SYN3: variants seen among roughly 807,000 people sequenced by gnomAD.
SYN3 encodes the protein synapsin III, also known as synapsin-3.
Under a neutral mutation model 65.8 loss-of-function variants are expected in SYN3, and 35 were observed. The ratio of observed to expected loss-of-function variants is 0.53; its 90% confidence interval spans 0.41 to 0.70. The LOEUF (loss-of-function observed/expected upper bound fraction) is 0.70. SYN3 is among the 30% of genes least tolerant of loss of function. The pLI, the probability that SYN3 is intolerant of heterozygous loss-of-function variation, is 0.00. For synonymous variants in SYN3, 270 were observed against 292.9 expected, an observed-to-expected ratio of 0.92 and a Z score of 0.80; for missense variants, 680 against 749.0, an observed-to-expected ratio of 0.91 and a Z score of 1.08.
intron 5 of SYN3, among the ~76,000 whole-genome samples, chr22:32,868,432 A>G (rs1487722910): frequency 6.6e-6 from 1 of 151,484 alleles, no homozygotes; most frequent in Non-Finnish European, 1.5e-5. Context: ...ACGTATATGC[A>G]TTTATTTATT....
intron 6 of SYN3, among the ~76,000 whole-genome samples, chr22:32,781,682 TTAA>T (rs1298660441): frequency 2.0e-5 from 3 of 150,720 alleles, no homozygotes; most frequent in Non-Finnish European, 4.4e-5. Context: ...ATTATTATTA[TTAA>T]TATTATTATT....
intron 2 of SYN3, among the ~76,000 whole-genome samples, chr22:32,988,307 A>AAATAATGATAATAAT (rs71320962): frequency 7.0e-6 from 1 of 142,582 alleles, no homozygotes; most frequent in African/African-American, 2.6e-5. Flanking sequence ...CTCTGTCTCA[A>AAATAATGATAATAAT]AATAATAATA....
At chr22:32,609,073 C>G (rs2059406845) in intron 6 of SYN3, among the ~76,000 whole-genome samples, 1 of 151,860 alleles carries the variant, frequency 6.6e-6, no homozygotes, top group Non-Finnish European at 1.5e-5. Flanking sequence ...ACCTGTAATC[C>G]CAGCACTTTG....
chr22:32,871,877 C>T (rs891178496), intron 4 of SYN3, among the ~76,000 whole-genome samples: 2 of 152,094 alleles, frequency 1.3e-5, no homozygotes, highest in East Asian at 3.9e-4. Flanking sequence ...ATCCTCCTGC[C>T]TCAGGTTCCC....
At chr22:32,980,728 G>A (rs2052346890) in intron 2 of SYN3, 26 bp from the exon 3 acceptor site, 1 of 1,610,434 alleles carries the variant, frequency 6.2e-7, no homozygotes, top group Non-Finnish European at 8.5e-7. Flanking sequence ...AATCAGCTGA[G>A]TAAGGATGCA....
At chr22:32,761,105 G>A (rs960802462) in intron 6 of SYN3, among the ~76,000 whole-genome samples, 1 of 152,176 alleles carries the variant, frequency 6.6e-6, no homozygotes, top group Non-Finnish European at 1.5e-5. Context: ...GAGGTGGAGA[G>A]TTGAAGCCCA....
At chr22:32,531,802 C>T (rs922362591) in intron 10 of SYN3, among the ~76,000 whole-genome samples, 11 of 48,764 alleles carry the variant, frequency 2.3e-4, no homozygotes, top group South Asian at 1.7e-3. Flanking sequence ...AATGTTTCTG[C>T]GAGGAAAAAA....
chr22:32,650,248 T>G, intron 6 of SYN3, among the ~76,000 whole-genome samples: 1 of 30,102 alleles, frequency 3.3e-5, no homozygotes, highest in Non-Finnish European at 6.0e-5. Context: ...CCTCCCTCCC[T>G]CCCTCCCTCC....
At chr22:32,640,637 T>C (rs1260264073) in intron 6 of SYN3, among the ~76,000 whole-genome samples, 1 of 151,830 alleles carries the variant, frequency 6.6e-6, no homozygotes, top group Admixed American at 6.6e-5. Flanking sequence ...GTGGCCGAGG[T>C]GGGCGGGTCA....
At chr22:32,982,784 T>C (rs1463861256) in intron 2 of SYN3, among the ~76,000 whole-genome samples, 3 of 152,206 alleles carry the variant, frequency 2.0e-5, no homozygotes, top group African/African-American at 7.2e-5. Flanking sequence ...AAAACACTTG[T>C]TGAGTATCAA....
At chr22:32,962,683 G>A (rs1349131189) in intron 3 of SYN3, among the ~76,000 whole-genome samples, 1 of 152,150 alleles carries the variant, frequency 6.6e-6, no homozygotes, top group Non-Finnish European at 1.5e-5. Flanking sequence ...ATTCTAAGCT[G>A]CGTTGCTGGG....
At chr22:32,799,938 A>C (rs2046523259) in intron 6 of SYN3, among the ~76,000 whole-genome samples, 1 of 152,226 alleles carries the variant, frequency 6.6e-6, no homozygotes, top group Non-Finnish European at 1.5e-5. Context: ...AAAAACATCG[A>C]GAGACAGAAA....
intron 6 of SYN3, among the ~76,000 whole-genome samples, chr22:32,692,155 C>CAAAAAAAA (rs1188224009): frequency 1.5e-3 from 50 of 34,382 alleles, no homozygotes; most frequent in African/African-American, 1.7e-3. Flanking sequence ...GACAAAAAGA[C>CAAAAAAAA]AAAAAAAAAA....
chr22:32,935,302 TCTCTCTCA>T (rs1442017196), intron 3 of SYN3, among the ~76,000 whole-genome samples: 1 of 149,492 alleles, frequency 6.7e-6, no homozygotes, highest in East Asian at 1.9e-4. Flanking sequence ...TCTCTCTCTC[TCTCTCTCA>T]CACACACACA....
At chr22:32,569,294 T>TCTATCTATCTAA (rs1459343835) in intron 7 of SYN3, among the ~76,000 whole-genome samples, 1 of 150,432 alleles carries the variant, frequency 6.6e-6, no homozygotes, top group Admixed American at 6.7e-5. Flanking sequence ...TATCTATCTA[T>TCTATCTATCTAA]CTATCTACAC....
intron 4 of SYN3, among the ~76,000 whole-genome samples, chr22:32,887,216 A>G (rs1218607757): frequency 6.6e-6 from 1 of 152,070 alleles, no homozygotes; most frequent in Non-Finnish European, 1.5e-5. Flanking sequence ...ATCTCTACCA[A>G]AAATAAACAA....
chr22:32,525,111 T>G lies in SYN3; in HGVS notation c.1318+2807A>C, dbSNP rs181470505. ...AAATTGAAAACCTTCTGGAAATGAT[T>G]TACCTTTCTAGATGCCATTAATAAT... On this transcript the variant is annotated intron_variant, in intron 12 of 13. Coordinates refer to ENST00000358763, the MANE Select transcript of SYN3 (RefSeq NM_003490.4). Among the ~76,000 whole-genome samples the G allele has an allele frequency of 1.1e-3, 169 of 150,874 alleles. 1 individual carries two copies. Among genetic ancestry groups the G allele is most frequent in the Non-Finnish European group, 2.2e-3 (145 of 67,080 alleles).
At chr22:32,710,075 G>GCACACA (rs55879257) in intron 6 of SYN3, among the ~76,000 whole-genome samples, 2,865 of 131,374 alleles carry the variant, frequency 0.022, 51 homozygotes, top group Non-Finnish European at 0.031. Context: ...ATATATATAT[G>GCACACA]CACACACACA....
At chr22:32,765,027 C>T (rs1012137147) in intron 6 of SYN3, among the ~76,000 whole-genome samples, 3 of 151,954 alleles carry the variant, frequency 2.0e-5, no homozygotes, top group African/African-American at 7.3e-5. Flanking sequence ...GCCCCCACCC[C>T]ACCCCACTGT....
Sources: gnomAD v4.1 joint callset for allele counts (sites outside exome capture counted in the v4.1 genomes callset) on GRCh38, gnomAD v4.1.1 for gene constraint, MANE v1.5 for transcripts, NCBI Gene and HGNC (gene_info 2026-07-23, HGNC 2026-07-21) for gene names.